Variants in ZNF558 observed in about 807,000 individuals in gnomAD.
The protein encoded by ZNF558 is zinc finger protein 558.
In ZNF558, 23 loss-of-function variants were observed where a neutral mutation model predicts 37.6. The ratio of observed to expected loss-of-function variants is 0.61; its 90% CI spans 0.44 to 0.87. ZNF558 has a LOEUF of 0.87. Ranked by LOEUF, ZNF558 falls within the 40% of genes least tolerant of loss-of-function variation. The pLI is 0.00. For missense variants in ZNF558, 429 were observed against 483.7 expected (o/e 0.89, Z 1.06); for synonymous variants, 189 against 174.4 (o/e 1.08, Z -0.66).
At chr19:8,835,157 T>C (rs1251976489), upstream of ZNF558, among the ~76,000 whole-genome samples, 2 of 152,030 alleles carry the variant, frequency 1.3e-5, no homozygotes, top group South Asian at 2.1e-4. Context: ...ATTCAAGCGA[T>C]TCTCCTGCCT....
At chr19:8,823,397 AC>A (rs1251990034) in intron 4 of ZNF558, among the ~76,000 whole-genome samples, 16 of 9,516 alleles carry the variant, frequency 1.7e-3, no homozygotes, top group Admixed American at 5.4e-3. Context: ...TGCCTCGGTC[AC>A]CCCCATCCTG....
rs1024169137 is a variant in ZNF558, at chr19:8,811,112, T to C, written c.*169A>G. 1.1e-4 allele frequency: 69 copies of C among 611,444 alleles called. No homozygotes were observed. Among genetic ancestry groups the C allele is most frequent in the Non-Finnish European group, 1.7e-4 (60 of 361,412 alleles). The allele number at this position is 611,444 out of a possible 1,614,324, so 37.9% of individuals were successfully genotyped here. A position where few individuals can be genotyped will look rare whatever the true frequency, so the allele number is the denominator to read the frequency against. ...AGATAAGCTGTTCTTGAATTCCTGA[T>C]CTGTAGAAATTGTTAGAGAATAAAC... On this transcript the variant is annotated 3_prime_UTR_variant, in exon 10 of 10. Coordinates refer to ENST00000601372, the MANE Select transcript of ZNF558 (RefSeq NM_144693.3).
intron 8 of ZNF558, 119 bp from the exon 9 acceptor site, chr19:8,812,762 T>G: frequency 1.7e-6 from 1 of 591,538 alleles, no homozygotes; most frequent in Non-Finnish European, 2.8e-6. Context: ...ACAAAGAGGA[T>G]TTGGTTATGA....
Position 8,810,294 on chromosome 19 carries a change from G to A in ZNF558, c.*987C>T, listed in dbSNP as rs1232573602. 6.6e-6 allele frequency: 1 copy of A among 152,220 alleles called. No homozygotes were observed. Among genetic ancestry groups the A allele is most frequent in the Admixed American group, 6.5e-5 (1 of 15,280 alleles). 9.4% of individuals were successfully genotyped at this position (152,220 alleles called of 1,614,324 possible). A position where few individuals can be genotyped will look rare whatever the true frequency, so the allele number is the denominator to read the frequency against. The stretch of plus-strand genomic sequence containing the variant: ...CACACTATAGTTTGCTCAGTAATGT[G>A]AACACTTTTGCTGTAGGGTATTCCG... On this transcript the variant is annotated 3_prime_UTR_variant, in exon 10 of 10. Coordinates refer to ENST00000601372, the MANE Select transcript of ZNF558 (RefSeq NM_144693.3).
upstream of ZNF558, among the ~76,000 whole-genome samples, chr19:8,836,204 T>C (rs1417592820): frequency 3.3e-5 from 5 of 152,136 alleles, no homozygotes; most frequent in Non-Finnish European, 7.4e-5. Flanking sequence ...ATTATACACA[T>C]AAATTCTTCA....
At position 8,811,713 on chromosome 19, in the gene ZNF558, C is replaced by T. The variant is rs1266814979; in HGVS notation, c.777G>A (p.Thr259=). 17 of 1,614,008 alleles carry T rather than the reference C, an allele frequency of 1.1e-5. No homozygotes were observed. Among genetic ancestry groups the T allele is most frequent in the Admixed American group, 1.7e-5 (1 of 60,002 alleles). ...CNLKSHKRIH[T]GENHHECNQC... is the part of the protein sequence containing the mutation. The stretch of plus-strand genomic sequence containing the variant: ...GATTACATTCATGGTGATTCTCCCC[C>T]GTGTGAATCCTCTTGTGGCTTTTGA... Residue 259 remains threonine, a synonymous_variant, in exon 10 of 10, where the codon ACG becomes ACA. Coordinates refer to ENST00000601372, the MANE Select transcript of ZNF558 (RefSeq NM_144693.3).
rs781575537 is a variant in ZNF558 at position 8,822,764 on chromosome 19, T to A, written c.-65-40A>T. ...AATGCTCCAAGTCTCCGTGGCCTCC[T>A]CCCTCTCGGGCTGCTGGGGATGGGC... On this transcript the variant is annotated intron_variant, in intron 4 of 9. Transcript: ENST00000601372. This position sits in a 1 kb window ranked among gnomAD's most constrained non-coding sequence, Gnocchi z 4.4. 4.9e-5 allele frequency: 77 copies of A among 1,578,840 alleles called. No individual in the cohort carries two copies. The highest frequency in any genetic ancestry group is 6.5e-5 in the Non-Finnish European group (75 of 1,154,752).
intron 2 of ZNF558, chr19:8,831,066 C>T (rs1259227731): frequency 6.6e-6 from 1 of 152,140 alleles, no homozygotes; most frequent in Non-Finnish European, 1.5e-5. Flanking sequence ...CTGTCTTTAG[C>T]TACAGTTACA....
At chr19:8,821,146 C>A (rs1599274847) in intron 7 of ZNF558, 34 bp downstream of exon 7, 3 of 1,607,758 alleles carry the variant, frequency 1.9e-6, no homozygotes, top group Admixed American at 1.7e-5. Context: ...CCACTGGAGT[C>A]ATTAAATAAA....
chr19:8,822,897 A>G lies in ZNF558; in HGVS notation c.-65-173T>C. ...TGAATTCAGGGCCACCTGATGGAAA[A>G]CTTGCCTTCCTCTGTCCCCAACACA... is the stretch of plus-strand genomic sequence containing the variant. On this transcript the variant is annotated intron_variant, in intron 4 of 9. Coordinates refer to ENST00000601372, the MANE Select transcript of ZNF558 (RefSeq NM_144693.3). The surrounding 1 kb of genome is among the most constrained non-coding windows in gnomAD (Gnocchi z 4.4). The G allele has an allele frequency of 1.6e-6, 1 of 613,456 alleles. No homozygotes were observed. Among genetic ancestry groups the G allele is most frequent in the African/African-American group, 1.9e-5 (1 of 54,034 alleles). The allele number at this position is 613,456 out of a possible 1,614,324, so 38.0% of individuals were successfully genotyped here. A position where few individuals can be genotyped will look rare whatever the true frequency, so the allele number is the denominator to read the frequency against.
chr19:8,814,170 G>T (rs1399239089), intron 7 of ZNF558, among the ~76,000 whole-genome samples: 4 of 152,172 alleles, frequency 2.6e-5, no homozygotes, highest in African/African-American at 9.7e-5. Flanking sequence ...AGAGCTTTAT[G>T]ATACTTTAAA....
chr19:8,812,010 G>T lies in ZNF558; in HGVS notation c.480C>A (p.Val160=), dbSNP rs781904234. 1.2e-5 allele frequency: 19 copies of T among 1,612,764 alleles called. No homozygotes were observed. Among genetic ancestry groups the T allele is most frequent in the Non-Finnish European group, 1.6e-5 (19 of 1,179,274 alleles). ...KLNECNQCFK[V]FSTKSNLTQH... is the part of the protein sequence containing the mutation. ...GAGTTAGGTTAGATTTCGTGCTGAA[G>T]ACTTTAAAACACTGATTACATTCAT... The change falls in exon 10 of 10, where the codon GTC becomes GTA. Residue 160 remains valine, a synonymous_variant. Coordinates refer to ENST00000601372, the MANE Select transcript of ZNF558 (RefSeq NM_144693.3).
In ZNF558 at chr19:8,811,807, C is replaced by T. The variant is rs781854325; in HGVS notation, c.683G>A (p.Arg228Lys). ...ATAGGGTTTTTCTCCAGTGTGAATT[C>T]TCAAATGCAGTCTAAGGGATGAGGG... ...SDPSSLRLHL[R>K]IHTGEKPYEC... Residue 228 changes from arginine to lysine, a missense_variant, in exon 10 of 10, where the codon AGA becomes AAA. Transcript: ENST00000601372. 20 of 1,614,070 alleles carry T rather than the reference C, an allele frequency of 1.2e-5. No individual in the cohort carries two copies. Among genetic ancestry groups the T allele is most frequent in the Non-Finnish European group, 1.6e-5 (19 of 1,180,030 alleles).
chr19:8,822,820 C>T lies in ZNF558; in HGVS notation c.-65-96G>A, dbSNP rs191622769. On this transcript the variant is annotated intron_variant, in intron 4 of 9. Coordinates refer to ENST00000601372, the MANE Select transcript of ZNF558 (RefSeq NM_144693.3). The surrounding 1 kb of genome is among the most constrained non-coding windows in gnomAD (Gnocchi z 4.4). ...TCAACCCATCCTTCCCATCCTTCTTCAAATGCAAGTTCCGGCTTCCACACT... is the reference window on the plus strand; with the variant it reads ...TCAACCCATCCTTCCCATCCTTCTTTAAATGCAAGTTCCGGCTTCCACACT... The T allele has an allele frequency of 3.8e-5, 42 of 1,118,386 alleles. No individual in the cohort carries two copies. The East Asian group carries it at 1.1e-3, about 28-fold the overall frequency. 69.3% of individuals were successfully genotyped at this position (1,118,386 alleles called of 1,614,324 possible).
At position 8,807,248 on chromosome 19, in the gene ZNF558, T is replaced by A. The variant is rs2043710926; in HGVS notation, c.*4033A>T. On this transcript the variant is annotated 3_prime_UTR_variant, in exon 10 of 10. Coordinates refer to ENST00000601372, the MANE Select transcript of ZNF558 (RefSeq NM_144693.3). ...CTCGTCTCCAGATTCAGTTGCTCCCTCCCTTCGTCCCTTCAGGCTGTGAGG... is the reference window on the plus strand; with the variant it reads ...CTCGTCTCCAGATTCAGTTGCTCCCACCCTTCGTCCCTTCAGGCTGTGAGG... 1 of 152,286 alleles carries A rather than the reference T, an allele frequency of 6.6e-6. No individual in the cohort carries two copies. The highest frequency in any genetic ancestry group is 1.5e-5 in the Non-Finnish European group (1 of 68,140). 9.4% of individuals were successfully genotyped at this position (152,286 alleles called of 1,614,324 possible). A position where few individuals can be genotyped will look rare whatever the true frequency, so the allele number is the denominator to read the frequency against.
At chr19:8,831,254 C>T (rs1249651136) in intron 2 of ZNF558, 64 bp downstream of exon 2, 4 of 152,162 alleles carry the variant, frequency 2.6e-5, no homozygotes, top group Admixed American at 2.6e-4. Context: ...GAAAAGCCCA[C>T]GAGGAGTTCT....
Position 8,822,668 on chromosome 19 carries a change from TC to T in ZNF558, c.-10del. The stretch of plus-strand genomic sequence containing the variant: ...AGGATGACAGCCGCCATCCTGTGAC[TC>T]CGACAGCAACAGGGCAGCCGGGAAG... On this transcript the variant is annotated 5_prime_UTR_variant, in exon 5 of 10. Coordinates refer to ENST00000601372, the MANE Select transcript of ZNF558 (RefSeq NM_144693.3). The surrounding 1 kb of genome is among the most constrained non-coding windows in gnomAD (Gnocchi z 4.4). 6.2e-7 allele frequency: 1 copy of T among 1,614,054 alleles called. No individual in the cohort carries two copies. The highest frequency in any genetic ancestry group is 2.2e-5 in the East Asian group (1 of 44,860).
chr19:8,814,055 G>A (rs1470621946), intron 7 of ZNF558, among the ~76,000 whole-genome samples: 6 of 152,182 alleles, frequency 3.9e-5, no homozygotes, highest in Non-Finnish European at 8.8e-5. Flanking sequence ...GAGTAAACTG[G>A]CAAAAGCGGT....
upstream of ZNF558, among the ~76,000 whole-genome samples, chr19:8,833,783 G>A (rs2044418317): frequency 1.3e-5 from 2 of 152,130 alleles, no homozygotes; most frequent in African/African-American, 4.8e-5. Context: ...GAGGTCAGGA[G>A]TTCGAGACCA....
Sources: allele counts gnomAD v4.1 joint callset (sites outside exome capture counted in the v4.1 genomes callset), GRCh38; gene constraint gnomAD v4.1.1; non-coding constraint Gnocchi (gnomAD v3.1); transcripts MANE v1.5; gene names NCBI Gene and HGNC (gene_info 2026-07-23, HGNC 2026-07-21).